GAS2L1: variants seen among roughly 807,000 people sequenced by gnomAD.
GAS2L1 encodes GAS2-like protein 1.
GAS2L1 carries 26 observed loss-of-function variants against 44.0 expected under a neutral mutation model. The observed-to-expected ratio is 0.59, with a 90% confidence interval of 0.43 to 0.82. GAS2L1 has a LOEUF of 0.82. Among genes scored for constraint, GAS2L1 ranks in the 40% least tolerant of loss-of-function variants. GAS2L1 has a pLI of 0.00. For missense variants in GAS2L1, 1,006 were observed against 983.0 expected (o/e 1.02, Z -0.31); for synonymous variants, 426 against 415.9 (o/e 1.02, Z -0.30).
exon 1 of GAS2L1, chr22:29,307,229 T>G (rs1472279050): frequency 6.6e-6 from 1 of 152,236 alleles, no homozygotes; most frequent in Non-Finnish European, 1.5e-5. Context: ...GGAAGCGGCG[T>G]CCTCGGCCTC....
intron 1 of GAS2L1, 41 bp from the exon 3 acceptor site, chr22:29,310,398 G>A (rs765000976): frequency 2.7e-6 from 3 of 1,107,148 alleles, no homozygotes; most frequent in Admixed American, 1.8e-5. Context: ...CCCAGGAGGA[G>A]GACTTGACCT....
At chr22:29,311,928 C>A in exon 5 of GAS2L1, 1 of 1,604,528 alleles carries the variant, frequency 6.2e-7, no homozygotes, top group East Asian at 2.2e-5. Context: ...CAGCCCCAGT[C>A]CAGAGTTGGG....
At chr22:29,311,604 C>T (rs1023261705) in exon 5 of GAS2L1, 70 of 1,539,060 alleles carry the variant, frequency 4.5e-5, no homozygotes, top group Non-Finnish European at 6.0e-5. Context: ...GCGACCCAGC[C>T]GGCGGCTGAC....
At chr22:29,310,878 C>G (rs1488127764) in exon 4 of GAS2L1, 1 of 1,613,156 alleles carries the variant, frequency 6.2e-7, no homozygotes, top group Non-Finnish European at 8.5e-7. Context: ...CAGAGGGTGT[C>G]GCCCACCACC....
exon 5 of GAS2L1, chr22:29,312,510 G>A (rs1317666506): frequency 6.7e-7 from 1 of 1,489,768 alleles, no homozygotes; most frequent in Non-Finnish European, 9.0e-7. Context: ...GACCAGCTCA[G>A]CTGTCCCCAG....
chr22:29,311,548 C>T lies in GAS2L1; in HGVS notation c.1097C>T (p.Pro366Leu). ...TCAGCCTCCTCCGCCCAGAGCGGCC[C>T]CCTTGGTACCCGCAGTGATGACACA... The change falls in exon 5 of 5, where the codon CCC becomes CTC. Residue 366 changes from proline (P) to leucine (L), a missense_variant. Coordinates refer to ENST00000618518, the Ensembl canonical transcript of GAS2L1. 4 of 1,542,666 alleles carry T rather than the reference C, an allele frequency of 2.6e-6. No individual in the cohort carries two copies. In the South Asian group the frequency reaches 4.8e-5, roughly 18 times the overall value.
exon 4 of GAS2L1, chr22:29,310,946 A>G: frequency 6.2e-7 from 1 of 1,613,732 alleles, no homozygotes; most frequent in Non-Finnish European, 8.5e-7. Context: ...CCGGCCTGAG[A>G]TGACTCCCGT....
exon 3 of GAS2L1, chr22:29,310,702 A>C (rs1440328680): frequency 1.6e-5 from 25 of 1,609,638 alleles, no homozygotes; most frequent in Non-Finnish European, 2.1e-5. Context: ...CATTACCTGG[A>C]CAAGCACGAC....
In GAS2L1 at chr22:29,308,284, C is replaced by T. The variant is rs2061368625; in HGVS notation, c.179C>T (p.Thr60Met). The T allele has an allele frequency of 6.2e-7, 1 of 1,607,588 alleles. No individual in the cohort carries two copies. Among genetic ancestry groups the T allele is most frequent in the Non-Finnish European group, 8.5e-7 (1 of 1,177,604 alleles). ...TTCCTGACAGGGCTGGCCACGGGCA[C>T]GACCCTGTGCCAACATGCCAACGCC... Residue 60 changes from threonine to methionine, a missense_variant, in exon 1 of 5, where the codon ACG becomes ATG. Coordinates refer to ENST00000618518, the Ensembl canonical transcript of GAS2L1.
chr22:29,311,106 A>C, intron 4 of GAS2L1, 108 bp downstream of exon 5: 1 of 1,120,610 alleles, frequency 8.9e-7, no homozygotes, highest in Non-Finnish European at 1.3e-6. Flanking sequence ...ACCCTGGGAA[A>C]AGTTCCCGTG....
At chr22:29,312,237 C>G in exon 5 of GAS2L1, 1 of 1,612,986 alleles carries the variant, frequency 6.2e-7, no homozygotes, top group Non-Finnish European at 8.5e-7. Flanking sequence ...GCCCCGAAGC[C>G]AAGCCCTTTC....
exon 1 of GAS2L1, chr22:29,307,089 C>G (rs1044961548): frequency 1.5e-4 from 23 of 151,860 alleles, no homozygotes; most frequent in Non-Finnish European, 2.9e-5. Context: ...CGCCTCCCTG[C>G]GGCGGCCCGG....
exon 1 of GAS2L1, chr22:29,307,777 A>G (rs1555921417): frequency 4.6e-6 from 1 of 216,146 alleles, no homozygotes; most frequent in South Asian, 1.8e-4. Context: ...GCCCTTCACA[A>G]TGGGCGCGCC....
At chr22:29,307,831 C>T (rs1360228225) in exon 1 of GAS2L1, 3 of 311,416 alleles carry the variant, frequency 9.6e-6, no homozygotes, top group South Asian at 1.6e-4. Context: ...CAGTTTCCAC[C>T]GCAAAAAGCC....
chr22:29,311,368 A>G lies in GAS2L1; in HGVS notation c.1011-94A>G, dbSNP rs540438847. The G allele has an allele frequency of 2.0e-4, 120 of 610,102 alleles. 2 individuals are homozygous for G. In the South Asian group the frequency reaches 2.3e-3, roughly 12 times the overall value. 37.8% of individuals were successfully genotyped at this position (610,102 alleles called of 1,614,324 possible). The stretch of plus-strand genomic sequence containing the variant: ...ACCGATGCCCCTGACAGCCCCGTCC[A>G]CCAGCCACATACCCTGCTGTTCCTC... On this transcript the variant is annotated intron_variant, in intron 4 of 4. Coordinates refer to ENST00000618518, the Ensembl canonical transcript of GAS2L1.
chr22:29,311,231 C>G (rs948601505), intron 4 of GAS2L1: 4 of 589,812 alleles, frequency 6.8e-6, no homozygotes, highest in Admixed American at 3.1e-5. Context: ...TCCTCTGGCC[C>G]GTCCTGGGAA....
chr22:29,309,957 G>A (rs1300056557), intron 1 of GAS2L1, among the ~76,000 whole-genome samples: 1 of 152,164 alleles, frequency 6.6e-6, no homozygotes, highest in Admixed American at 6.5e-5. Flanking sequence ...CCAAGAAAGG[G>A]GAGCCGGTGA....
intron 1 of GAS2L1, among the ~76,000 whole-genome samples, 162 bp downstream of exon 2, chr22:29,308,900 C>T (rs1254537394): frequency 6.6e-6 from 1 of 152,210 alleles, no homozygotes; most frequent in African/African-American, 2.4e-5. Flanking sequence ...TACCTGACCC[C>T]AAGGAAATGG....
intron 1 of GAS2L1, 178 bp from the exon 3 acceptor site, chr22:29,310,261 A>AT (rs1569140085): frequency 2.1e-5 from 8 of 384,470 alleles, no homozygotes; most frequent in African/African-American, 1.3e-4. Context: ...AAAAAAATAA[A>AT]AAAAAATAAA....
Sources: allele counts gnomAD v4.1 joint callset (sites outside exome capture counted in the v4.1 genomes callset), GRCh38; gene constraint gnomAD v4.1.1; transcripts MANE v1.5; gene names NCBI Gene and HGNC (gene_info 2026-07-23, HGNC 2026-07-21).